Variants in YEATS2 observed in about 807,000 individuals in gnomAD.
YEATS2 encodes YEATS domain-containing protein 2.
YEATS2 carries 77 observed loss-of-function variants against 163.2 expected under a neutral mutation model. The observed-to-expected ratio is 0.47, with a 90% CI of 0.39 to 0.57. The LOEUF (loss-of-function observed/expected upper bound fraction) is 0.57, where lower values mean the gene tolerates loss of function less well. Ranked by LOEUF, YEATS2 falls within the 20% of genes least tolerant of loss-of-function variation. YEATS2 has a pLI of 0.00. For synonymous variants in YEATS2, 631 were observed against 645.1 expected (o/e 0.98, Z 0.33); for missense variants, 1,549 against 1,729.8 (o/e 0.90, Z 1.85).
At chr3:183,700,925 G>T (rs1050697580) in intron 1 of YEATS2, among the ~76,000 whole-genome samples, 1 of 151,912 alleles carries the variant, frequency 6.6e-6, no homozygotes, top group Non-Finnish European at 1.5e-5. Flanking sequence ...CAATTAAGAG[G>T]TAAGTGGTTG....
In YEATS2 at chr3:183,793,393, A is replaced by G. The variant is rs370215535; in HGVS notation, c.3097+2413A>G. 8 of 1,076,408 alleles carry G rather than the reference A, an allele frequency of 7.4e-6. No individual in the cohort carries two copies. The South Asian group carries it at 1.9e-4, about 26-fold the overall frequency. The allele number at this position is 1,076,408 out of a possible 1,614,324, so 66.7% of individuals were successfully genotyped here. ...GTTAAAATTGACCAACTTCTAGTATAGGGAGTACTTGTTCTCTACTAACTG... is the reference window on the plus strand; with the variant it reads ...GTTAAAATTGACCAACTTCTAGTATGGGGAGTACTTGTTCTCTACTAACTG... On this transcript the variant is annotated intron_variant, in intron 21 of 30. Coordinates refer to ENST00000305135, the MANE Select transcript of YEATS2 (RefSeq NM_018023.5).
chr3:183,700,039 T>A (rs896394627), intron 1 of YEATS2, among the ~76,000 whole-genome samples: 1 of 152,204 alleles, frequency 6.6e-6, no homozygotes, highest in African/African-American at 2.4e-5. Flanking sequence ...TTTTCATTTA[T>A]TGATTACTAG....
At position 183,730,070 on chromosome 3, in the gene YEATS2, T is replaced by G. The variant is rs1209615331; in HGVS notation, c.812+1219T>G. On this transcript the variant is annotated intron_variant, in intron 7 of 30. Coordinates refer to ENST00000305135, the MANE Select transcript of YEATS2 (RefSeq NM_018023.5). ...TTTGTTTGTTTTTTTTTTTTTTTTT[T>G]TTTTTTTTTTTTTTTTTGGAGACAC... is the stretch of plus-strand genomic sequence containing the variant. Among the ~76,000 whole-genome samples, 203 of 114,260 alleles carry G rather than the reference T, an allele frequency of 1.8e-3. 3 individuals are homozygous for G. Among genetic ancestry groups the G allele is most frequent in the African/African-American group, 6.8e-3 (187 of 27,694 alleles). The allele number at this position is 114,260 out of a possible 152,430, so 75.0% of individuals were successfully genotyped here. A position where few individuals can be genotyped will look rare whatever the true frequency, so the allele number is the denominator to read the frequency against.
intron 20 of YEATS2, among the ~76,000 whole-genome samples, chr3:183,790,279 T>G (rs770153580): frequency 6.6e-6 from 1 of 152,234 alleles, no homozygotes; most frequent in East Asian, 1.9e-4. Context: ...TTGCCTGTGC[T>G]TGCCGTAGCA....
At chr3:183,755,353 G>A (rs1007958876) in intron 11 of YEATS2, among the ~76,000 whole-genome samples, 3 of 152,124 alleles carry the variant, frequency 2.0e-5, no homozygotes, top group Non-Finnish European at 4.4e-5. Context: ...CTGACCTCAG[G>A]TGATCCACCT....
intron 23 of YEATS2, among the ~76,000 whole-genome samples, chr3:183,799,697 C>T (rs534509493): frequency 1.3e-5 from 2 of 152,048 alleles, no homozygotes; most frequent in African/African-American, 2.4e-5. Context: ...TGCTTTCTGC[C>T]TTGTGTCTCA....
intron 8 of YEATS2, among the ~76,000 whole-genome samples, chr3:183,745,359 C>T (rs1438837440): frequency 1.3e-5 from 2 of 152,162 alleles, no homozygotes; most frequent in African/African-American, 2.4e-5. Context: ...CATTTTGACT[C>T]GATTTACTTC....
At chr3:183,803,779 C>G in intron 26 of YEATS2, 1 of 590,140 alleles carries the variant, frequency 1.7e-6, no homozygotes, top group Non-Finnish European at 2.9e-6. Flanking sequence ...TCCTTAAAGG[C>G]CAAACCTAGG....
chr3:183,730,316 T>G (rs1717649321), intron 7 of YEATS2, among the ~76,000 whole-genome samples: 1 of 152,076 alleles, frequency 6.6e-6, no homozygotes, highest in Non-Finnish European at 1.5e-5. Context: ...CTGCCCGCCT[T>G]GGCCTCCCAA....
chr3:183,754,876 C>G (rs1242037748), intron 11 of YEATS2, among the ~76,000 whole-genome samples: 4 of 152,052 alleles, frequency 2.6e-5, no homozygotes, highest in Non-Finnish European at 4.4e-5. Context: ...TATCTTTTGC[C>G]TTGTGATAGT....
chr3:183,756,611 G>A lies in YEATS2; in HGVS notation c.1474G>A (p.Gly492Ser), dbSNP rs774303485. The part of the protein sequence containing the change: ...TPVHVKQGTA[G>S]SVINNPYVIM... ...AGTCCACGTGAAGCAAGGCACTGCC[G>A]GCTCTGTTATTAATAATCCTTATGT... The change falls in exon 12 of 31, where the codon GGC (glycine) becomes AGC (serine). Residue 492 changes from glycine (G) to serine (S), a missense_variant. Transcript: ENST00000305135. The A allele has an allele frequency of 8.7e-6, 14 of 1,606,762 alleles. No homozygotes were observed. Among genetic ancestry groups the A allele is most frequent in the Middle Eastern group, 3.3e-4 (2 of 6,050 alleles).
At chr3:183,774,132 G>C (rs2108393949) in intron 17 of YEATS2, among the ~76,000 whole-genome samples, 1 of 152,296 alleles carries the variant, frequency 6.6e-6, no homozygotes, top group South Asian at 2.1e-4. Context: ...ATAGAAGCTG[G>C]AAGTCTGTTT....
chr3:183,725,646 T>A (rs1717009719), intron 6 of YEATS2, among the ~76,000 whole-genome samples: 1 of 152,160 alleles, frequency 6.6e-6, no homozygotes, highest in Non-Finnish European at 1.5e-5. Context: ...GAGAACAGCA[T>A]GGGAAAGACT....
intron 6 of YEATS2, among the ~76,000 whole-genome samples, chr3:183,727,472 G>A (rs1280333758): frequency 2.6e-5 from 4 of 152,108 alleles, no homozygotes; most frequent in Admixed American, 1.3e-4. Context: ...CAATCTGTAG[G>A]TATTCCTGTT....
At chr3:183,698,070 G>C (rs1051518237) in intron 1 of YEATS2, 77 bp downstream of exon 1, 6 of 152,194 alleles carry the variant, frequency 3.9e-5, no homozygotes, top group African/African-American at 1.4e-4. Context: ...GGCGGGGGCG[G>C]CGCGGGCACG....
chr3:183,787,337 A>G (rs1342993694), intron 20 of YEATS2, among the ~76,000 whole-genome samples: 2 of 152,170 alleles, frequency 1.3e-5, no homozygotes, highest in Non-Finnish European at 2.9e-5. Context: ...CCAGCGATAT[A>G]CAAGGGTTCC....
At chr3:183,728,936 T>A in intron 7 of YEATS2, 85 bp downstream of exon 7, 1 of 1,376,250 alleles carries the variant, frequency 7.3e-7, no homozygotes, top group South Asian at 1.4e-5. Flanking sequence ...TTCAAAACAT[T>A]TCCTGGAAAT....
chr3:183,747,905 G>A (rs1392914414), intron 9 of YEATS2, among the ~76,000 whole-genome samples, 189 bp downstream of exon 9: 3 of 151,356 alleles, frequency 2.0e-5, no homozygotes, highest in Non-Finnish European at 4.4e-5. Context: ...TCAGCCTCCC[G>A]AGTAGCTGGG....
intron 15 of YEATS2, among the ~76,000 whole-genome samples, chr3:183,767,422 C>T (rs1307312856): frequency 6.6e-6 from 1 of 151,772 alleles, no homozygotes; most frequent in Non-Finnish European, 1.5e-5. Flanking sequence ...GCACTGTCGC[C>T]CAGGCTGGAG....
Sources: allele counts gnomAD v4.1 joint callset (sites outside exome capture counted in the v4.1 genomes callset), GRCh38; gene constraint gnomAD v4.1.1; transcripts MANE v1.5; gene names NCBI Gene and HGNC (gene_info 2026-07-23, HGNC 2026-07-21).